PTK2: variants seen among roughly 807,000 people sequenced by gnomAD.
The protein encoded by PTK2 is focal adhesion kinase 1.
In PTK2, 45 loss-of-function variants were observed where a neutral mutation model predicts 150.1. The observed-to-expected ratio is 0.30, with a 90% CI of 0.24 to 0.38. The LOEUF (loss-of-function observed/expected upper bound fraction) is 0.38, where lower values mean the gene tolerates loss of function less well. Ranked by LOEUF, PTK2 falls within the 10% of genes least tolerant of loss-of-function variation. The probability of loss-of-function intolerance (pLI) is 1.00; values close to 1 mark genes in which losing one functional copy is unlikely to be tolerated. For missense variants in PTK2, 919 were observed against 1,307.3 expected (o/e 0.70, Z 4.58); for synonymous variants, 432 against 449.2 (o/e 0.96, Z 0.48).
chr8:140,828,034 G>A lies in PTK2; in HGVS notation c.648+2438C>T, dbSNP rs547528841. Among the ~76,000 whole-genome samples, 3 of 152,172 alleles carry A rather than the reference G, an allele frequency of 2.0e-5. No individual in the cohort carries two copies. In the South Asian group the frequency reaches 6.2e-4, roughly 32 times the overall value. On this transcript the variant is annotated intron_variant, in intron 8 of 31. Coordinates refer to ENST00000522684, the Ensembl canonical transcript of PTK2. ...ATAAAAAAATTAGCCAGGTGTGGTG[G>A]CAGGCACCTGTAGTCCCAGCTATTT...
At chr8:140,664,770 T>C in intron 31 of PTK2, 147 bp downstream of exon 35, 1 of 783,858 alleles carries the variant, frequency 1.3e-6, no homozygotes, top group South Asian at 1.5e-5. Context: ...TTGGGGCCAG[T>C]GTTAGAGGGA....
At chr8:140,822,419 G>A (rs141173951) in intron 8 of PTK2, 1 of 151,850 alleles carries the variant, frequency 6.6e-6, no homozygotes, top group Non-Finnish European at 1.5e-5. Flanking sequence ...GACATCTGTA[G>A]GCCCTTCCGT....
intron 23 of PTK2, among the ~76,000 whole-genome samples, chr8:140,716,025 C>T (rs2100039506): frequency 6.6e-6 from 1 of 152,158 alleles, no homozygotes; most frequent in Non-Finnish European, 1.5e-5. Flanking sequence ...TTACCAAATA[C>T]TTATGTTACT....
At chr8:140,721,178 C>G (rs1391218507) in intron 22 of PTK2, among the ~76,000 whole-genome samples, 2 of 152,032 alleles carry the variant, frequency 1.3e-5, no homozygotes, top group African/African-American at 4.8e-5. Flanking sequence ...CACCATATGC[C>G]TGTGCAAGTA....
chr8:140,729,213 A>C (rs866420717), intron 22 of PTK2, among the ~76,000 whole-genome samples: 55 of 152,224 alleles, frequency 3.6e-4, no homozygotes, highest in Middle Eastern at 3.2e-3. Flanking sequence ...CAAATAACTA[A>C]AAACTGAAAA....
rs1596137016 is a variant in PTK2, at chr8:140,800,834, A to C, written c.976-258T>G. On this transcript the variant is annotated intron_variant, in intron 11 of 31. Coordinates refer to ENST00000522684, the Ensembl canonical transcript of PTK2. ...TCACTTTCTAGAATCAAAAGAGATG[A>C]AAAAAGTATTTTCCTTCAGAGTGTC... Among the ~76,000 whole-genome samples, 7 of 152,342 alleles carry C rather than the reference A, an allele frequency of 4.6e-5. 1 individual carries two copies. Among genetic ancestry groups the C allele is most frequent in the Admixed American group, 4.6e-4 (7 of 15,296 alleles).
chr8:140,972,725 C>T (rs1487705881), intron 1 of PTK2, among the ~76,000 whole-genome samples: 1 of 152,118 alleles, frequency 6.6e-6, no homozygotes, highest in Non-Finnish European at 1.5e-5. Context: ...TTCACCGATC[C>T]TTGTTTTAGT....
At chr8:140,997,034 G>A (rs2100198043) in intron 1 of PTK2, among the ~76,000 whole-genome samples, 1 of 152,218 alleles carries the variant, frequency 6.6e-6, no homozygotes, top group South Asian at 2.1e-4. Flanking sequence ...ATTGGAGGAG[G>A]TGAAAATAGC....
At position 140,739,140 on chromosome 8, in the gene PTK2, T is replaced by C. The variant is rs766964535; in HGVS notation, c.1736-33A>G. ...ATTAATTTTAGAAAATAAATTTTCC[T>C]TGTTATCTGCTTAAGAATCTAACAG... On this transcript the variant is annotated intron_variant, in intron 20 of 31. Coordinates refer to ENST00000522684, the Ensembl canonical transcript of PTK2. The C allele has an allele frequency of 9.9e-6, 14 of 1,416,592 alleles. No individual in the cohort carries two copies. In the South Asian group the frequency reaches 1.9e-4, roughly 19 times the overall value. The allele number at this position is 1,416,592 out of a possible 1,614,324, so 87.8% of individuals were successfully genotyped here.
At chr8:140,788,783 T>C (rs1308851633) in intron 14 of PTK2, among the ~76,000 whole-genome samples, 3 of 152,202 alleles carry the variant, frequency 2.0e-5, no homozygotes, top group African/African-American at 4.8e-5. Context: ...CATATATGTA[T>C]GCACATATAT....
intron 4 of PTK2, among the ~76,000 whole-genome samples, chr8:140,865,204 T>C (rs2100138592): frequency 6.6e-6 from 1 of 152,246 alleles, no homozygotes; most frequent in South Asian, 2.1e-4. Context: ...TCATTTTGAC[T>C]ATCCTCTTTT....
chr8:140,808,439 C>T (rs1038188361), intron 10 of PTK2, among the ~76,000 whole-genome samples: 3 of 152,140 alleles, frequency 2.0e-5, no homozygotes, highest in East Asian at 1.9e-4. Context: ...ATAACTAATA[C>T]CTCTTATTTC....
At chr8:140,844,084 T>C (rs2100123890) in intron 7 of PTK2, among the ~76,000 whole-genome samples, 1 of 152,144 alleles carries the variant, frequency 6.6e-6, no homozygotes, top group South Asian at 2.1e-4. Context: ...GGGATTTGTT[T>C]GATGTTTTTT....
intron 1 of PTK2, among the ~76,000 whole-genome samples, chr8:140,971,544 C>G (rs75058100): frequency 6.6e-6 from 1 of 152,312 alleles, no homozygotes; most frequent in African/African-American, 2.4e-5. Context: ...AACACTGTTA[C>G]CAAACACTGA....
At chr8:140,804,703 A>G (rs2100097313) in intron 10 of PTK2, among the ~76,000 whole-genome samples, 1 of 152,194 alleles carries the variant, frequency 6.6e-6, no homozygotes, top group South Asian at 2.1e-4. Flanking sequence ...CGAACAGATG[A>G]TGCCACTAGA....
intron 12 of PTK2, among the ~76,000 whole-genome samples, chr8:140,800,237 T>C (rs2100094172): frequency 6.6e-6 from 1 of 152,106 alleles, no homozygotes. Context: ...ACACAGACAA[T>C]GTTTTTTTTA....
intron 31 of PTK2, chr8:140,660,451 G>A (rs1294927440): frequency 2.8e-6 from 1 of 363,516 alleles, no homozygotes; most frequent in Non-Finnish European, 5.6e-6. Context: ...GCAGGGCGCA[G>A]TGGCTCACTC....
At chr8:140,946,310 G>A (rs925534124) in intron 1 of PTK2, among the ~76,000 whole-genome samples, 10 of 152,152 alleles carry the variant, frequency 6.6e-5, no homozygotes, top group African/African-American at 2.2e-4. Flanking sequence ...GCTCAATACT[G>A]AGTTATGTTT....
chr8:140,888,542 C>T (rs921548939), intron 3 of PTK2, among the ~76,000 whole-genome samples: 2 of 152,186 alleles, frequency 1.3e-5, no homozygotes, highest in African/African-American at 4.8e-5. Flanking sequence ...CACAAGTTTG[C>T]TAAATGAGTT....
Sources: allele counts gnomAD v4.1 joint callset (sites outside exome capture counted in the v4.1 genomes callset), GRCh38; gene constraint gnomAD v4.1.1; transcripts MANE v1.5; gene names NCBI Gene and HGNC (gene_info 2026-07-23, HGNC 2026-07-21).